Variants in IQSEC1 observed in about 807,000 individuals in gnomAD.
IQSEC1 encodes the protein IQ motif and SEC7 domain-containing protein 1.
IQSEC1 carries 31 observed loss-of-function variants against 91.0 expected under a neutral mutation model. The observed-to-expected ratio is 0.34, with a 90% CI of 0.26 to 0.46. IQSEC1 has a LOEUF of 0.46. Ranked by LOEUF, IQSEC1 falls within the 20% of genes least tolerant of loss-of-function variation. IQSEC1 has a pLI of 1.00. For synonymous variants in IQSEC1, 699 were observed against 662.6 expected (o/e 1.05, Z -0.84); for missense variants, 1,388 against 1,575.6 (o/e 0.88, Z 2.02).
At chr3:13,145,882 G>C (rs1049805433) in intron 2 of IQSEC1, among the ~76,000 whole-genome samples, 1 of 151,656 alleles carries the variant, frequency 6.6e-6, no homozygotes, top group African/African-American at 2.4e-5. Context: ...TTCTGTCCTG[G>C]CGTGGGGCAG....
chr3:13,255,870 G>A (rs928725926), intron 1 of IQSEC1, among the ~76,000 whole-genome samples: 6 of 152,212 alleles, frequency 3.9e-5, no homozygotes, highest in African/African-American at 1.4e-4. Flanking sequence ...TCTTAAACCA[G>A]GGGTTCCAAC....
rs1704175201 is a variant in IQSEC1 at position 13,039,580 on chromosome 3, G to A, written c.23+33412C>T. ...GCCGCTTGCAAAGCCTCTACTAAGT[G>A]CTGTATATTCAGTGCTTTTCCAGCA... On this transcript the variant is annotated intron_variant, in intron 1 of 13. Transcript: ENST00000613206. Among the ~76,000 whole-genome samples, 3 of 152,184 alleles carry A rather than the reference G, an allele frequency of 2.0e-5. 1 individual carries two copies. The South Asian group carries it at 6.2e-4, about 32-fold the overall frequency.
intron 2 of IQSEC1, among the ~76,000 whole-genome samples, chr3:12,941,067 T>A (rs1229737999): frequency 6.6e-6 from 1 of 152,146 alleles, no homozygotes; most frequent in African/African-American, 2.4e-5. Flanking sequence ...CCAGGAGGAA[T>A]AGAGCAAGCA....
chr3:13,072,933 A>T, intron 1 of IQSEC1, 59 bp downstream of exon 1: 1 of 1,465,652 alleles, frequency 6.8e-7, no homozygotes, highest in Non-Finnish European at 9.4e-7. Flanking sequence ...TCCAGCTCCC[A>T]GCTCAGCCGG....
chr3:13,033,761 T>C (rs1023651605), intron 1 of IQSEC1, among the ~76,000 whole-genome samples: 1 of 152,168 alleles, frequency 6.6e-6, no homozygotes, highest in African/African-American at 2.4e-5. Context: ...TACTGATTAC[T>C]GAGCTTCTGT....
chr3:13,170,753 G>A (rs1356142590), intron 1 of IQSEC1, among the ~76,000 whole-genome samples: 4 of 152,210 alleles, frequency 2.6e-5, no homozygotes. Context: ...CAATGCAATG[G>A]GTGCCAGAGT....
intron 1 of IQSEC1, among the ~76,000 whole-genome samples, chr3:13,016,827 C>T (rs1159630250): frequency 6.6e-6 from 1 of 152,134 alleles, no homozygotes; most frequent in Non-Finnish European, 1.5e-5. Context: ...TAGTATATTC[C>T]CAGAGGGGTG....
chr3:12,920,541 T>C lies in IQSEC1; in HGVS notation c.1909A>G (p.Thr637Ala). The C allele has an allele frequency of 6.2e-7, 1 of 1,614,104 alleles. No homozygotes were observed. The highest frequency in any genetic ancestry group is 8.5e-7 in the Non-Finnish European group (1 of 1,180,014). Residue 637 changes from threonine (T) to alanine (A), a missense_variant, in exon 6 of 14, where the codon ACC becomes GCC. Around this residue, in one of 2 missense-constraint regions of IQSEC1, gnomAD observed 1,059 missense variants for 1,317.8 expected, o/e 0.80. Coordinates refer to ENST00000613206, the MANE Select transcript of IQSEC1 (RefSeq NM_001134382.3). ...ATGGCGAAGGCCAGGATGAAAATGG[T>C]GTCTGGGTTCCGGAATTGCCGCACC... Reference protein sequence around the residue: ...GVVRQFRNPDTIFILAFAIIL... With the variant: ...GVVRQFRNPDAIFILAFAIIL...
intron 1 of IQSEC1, among the ~76,000 whole-genome samples, chr3:13,186,092 G>C (rs1430031347): frequency 6.6e-6 from 1 of 152,214 alleles, no homozygotes; most frequent in Non-Finnish European, 1.5e-5. Context: ...GTGGGAGTGA[G>C]TTCACTGCTG....
At chr3:13,088,419 C>T (rs1400344044) in intron 2 of IQSEC1, among the ~76,000 whole-genome samples, 2 of 152,182 alleles carry the variant, frequency 1.3e-5, no homozygotes, top group South Asian at 2.1e-4. Flanking sequence ...ACCAGCTTCC[C>T]GAAGCCTGCT....
chr3:13,264,267 C>T (rs1039163621), intron 1 of IQSEC1, among the ~76,000 whole-genome samples: 1 of 152,302 alleles, frequency 6.6e-6, no homozygotes, highest in African/African-American at 2.4e-5. Flanking sequence ...CAAACTTAAA[C>T]TGGTTTTCCA....
chr3:13,071,757 G>T (rs1442932332), intron 1 of IQSEC1, among the ~76,000 whole-genome samples: 1 of 124,104 alleles, frequency 8.1e-6, no homozygotes, highest in African/African-American at 3.2e-5. Flanking sequence ...ACCAGAGGCC[G>T]CCATCCCCCG....
chr3:12,938,222 G>A (rs1161367830), intron 2 of IQSEC1, among the ~76,000 whole-genome samples: 1 of 152,238 alleles, frequency 6.6e-6, no homozygotes, highest in East Asian at 1.9e-4. Context: ...TACATGCTGG[G>A]CATCACATCA....
chr3:13,231,489 A>T (rs1282366734), intron 1 of IQSEC1, among the ~76,000 whole-genome samples: 7 of 152,142 alleles, frequency 4.6e-5, no homozygotes. Context: ...TAGCTTTCTC[A>T]TCTCTTTTTA....
Position 13,207,236 on chromosome 3 carries a change from C to T in IQSEC1, c.273-43103G>A, listed in dbSNP as rs1057352711. 1.3e-5 allele frequency among the ~76,000 whole-genome samples: 2 copies of T among 152,114 alleles called. No homozygotes were observed. The highest frequency in any genetic ancestry group is 4.8e-5 in the African/African-American group (2 of 41,422). On this transcript the variant is annotated intron_variant, in intron 1 of 15. Transcript: ENST00000648114. This position sits in a 1 kb window ranked among gnomAD's most constrained non-coding sequence, Gnocchi z 4.8. ...CCAAGCTCTTGACCCTGACCTTCCC[C>T]ACCTCCGCTCAAACCTTCCCACCAG...
chr3:12,952,914 G>A (rs1224181831), intron 1 of IQSEC1, among the ~76,000 whole-genome samples: 1 of 152,250 alleles, frequency 6.6e-6, no homozygotes, highest in Non-Finnish European at 1.5e-5. Context: ...GAAGAGACCT[G>A]AGCATATCTG....
In IQSEC1 at chr3:12,967,190, A is replaced by G. The variant is rs1700631886; in HGVS notation, c.24-25325T>C. ...GCGCGTCTCTCTCTCCCACGCACAA[A>G]CTCGGGTCCTGTTTGCTCTTCTCTC... On this transcript the variant is annotated intron_variant, in intron 1 of 13. Transcript: ENST00000613206. The surrounding 1 kb of genome is among the most constrained non-coding windows in gnomAD (Gnocchi z 5.9). Among the ~76,000 whole-genome samples the G allele has an allele frequency of 6.6e-6, 1 of 151,550 alleles. No homozygotes were observed. Among genetic ancestry groups the G allele is most frequent in the African/African-American group, 2.4e-5 (1 of 41,208 alleles).
chr3:12,962,517 G>A (rs1700305483), intron 1 of IQSEC1, among the ~76,000 whole-genome samples: 1 of 152,192 alleles, frequency 6.6e-6, no homozygotes, highest in Non-Finnish European at 1.5e-5. Flanking sequence ...GTTTATTAAT[G>A]ATCCCTCTCC....
Position 12,908,362 on chromosome 3 carries a change from G to T in IQSEC1, c.2742C>A (p.Asp914Glu). The change falls in exon 12 of 14, where the codon GAC becomes GAA. Residue 914 changes from aspartate to glutamate, a missense_variant. Asp to Glu is a conservative substitution (Grantham distance 45). Around this residue, in one of 2 missense-constraint regions of IQSEC1, gnomAD observed 1,059 missense variants for 1,317.8 expected, o/e 0.80. Transcript: ENST00000613206. The surrounding 1 kb of genome is among the most constrained non-coding windows in gnomAD (Gnocchi z 4.9). ...CCAAGCTCTTACCGGCTTCCGAGAG[G>T]TCCCGCAGGGAGCTGCTGAGGGCGC... ...KRSALSSSLR[D>E]LSEAGKRGRR... is the part of the protein sequence containing the mutation. 6.2e-7 allele frequency: 1 copy of T among 1,611,828 alleles called. No homozygotes were observed. Among genetic ancestry groups the T allele is most frequent in the South Asian group, 1.1e-5 (1 of 91,004 alleles).
Sources: allele counts gnomAD v4.1 joint callset (sites outside exome capture counted in the v4.1 genomes callset), GRCh38; gene constraint gnomAD v4.1.1; regional missense constraint gnomAD v4.1.1; non-coding constraint Gnocchi (gnomAD v3.1); transcripts MANE v1.5; gene names NCBI Gene and HGNC (gene_info 2026-07-23, HGNC 2026-07-21).